The following PSKH1 variants were observed in gnomAD, a reference collection of about 807,000 sequenced individuals.
PSKH1 encodes serine/threonine-protein kinase H1.
A neutral mutation model predicts 26.7 loss-of-function variants in PSKH1; 12 were observed. The observed-to-expected ratio is 0.45, with a 90% confidence interval of 0.29 to 0.73. The LOEUF (loss-of-function observed/expected upper bound fraction) is 0.73, where lower values mean the gene tolerates loss of function less well. Among genes scored for constraint, PSKH1 ranks in the 30% least tolerant of loss-of-function variants. PSKH1 has a pLI of 0.11. For synonymous variants in PSKH1, 213 were observed against 234.3 expected, an observed-to-expected ratio of 0.91 and a Z score of 0.83; for missense variants, 431 against 595.2, an observed-to-expected ratio of 0.72 and a Z score of 2.87.
chr16:67,921,713 TC>T (rs1217177777), intron 2 of PSKH1, among the ~76,000 whole-genome samples: 1 of 152,210 alleles, frequency 6.6e-6, no homozygotes, highest in African/African-American at 2.4e-5. Context: ...TCTGGAACCT[TC>T]CAGGGCTACT....
intron 1 of PSKH1, among the ~76,000 whole-genome samples, chr16:67,897,373 C>T (rs553080662): frequency 6.6e-6 from 1 of 152,228 alleles, no homozygotes; most frequent in South Asian, 2.1e-4. Context: ...ATTCTTGGTA[C>T]AGCCCTCTGT....
chr16:67,894,713 G>C (rs546257981), intron 1 of PSKH1, among the ~76,000 whole-genome samples: 1 of 152,160 alleles, frequency 6.6e-6, no homozygotes, highest in Non-Finnish European at 1.5e-5. Flanking sequence ...ATAGGGGCTA[G>C]CCTCCAGTAG....
intron 1 of PSKH1, among the ~76,000 whole-genome samples, chr16:67,905,231 C>G (rs1204891958): frequency 6.6e-6 from 1 of 152,180 alleles, no homozygotes; most frequent in Admixed American, 6.5e-5. Flanking sequence ...TTTCGTAGCT[C>G]TCCTTCACTT....
At position 67,908,702 on chromosome 16, in the gene PSKH1, A is replaced by C. The variant is rs1187862726; in HGVS notation, c.-48A>C. The C allele has an allele frequency of 6.7e-7, 1 of 1,502,440 alleles. No individual in the cohort carries two copies. The highest frequency in any genetic ancestry group is 1.4e-5 in the African/African-American group (1 of 72,216). 93.1% of individuals were successfully genotyped at this position (1,502,440 alleles called of 1,614,324 possible). ...TAGGTGTAGACGGGGCACTGCCTTC[A>C]GAGCAGGTCCTGCCAGCCTCGCTGG... On this transcript the variant is annotated 5_prime_UTR_variant, in exon 2 of 3. Coordinates refer to ENST00000291041, the MANE Select transcript of PSKH1 (RefSeq NM_006742.3).
At position 67,908,726 on chromosome 16, in the gene PSKH1, G is replaced by A; in HGVS notation, c.-24G>A. ...CAGAGCAGGTCCTGCCAGCCTCGCT[G>A]GAGAGGATGCCCTCGTGTCCGTGAT... On this transcript the variant is annotated 5_prime_UTR_variant, in exon 2 of 3. Coordinates refer to ENST00000291041, the MANE Select transcript of PSKH1 (RefSeq NM_006742.3). 1 of 1,555,054 alleles carries A rather than the reference G, an allele frequency of 6.4e-7. No individual in the cohort carries two copies.
chr16:67,904,739 C>G (rs1228330947), intron 1 of PSKH1, among the ~76,000 whole-genome samples: 1 of 152,158 alleles, frequency 6.6e-6, no homozygotes, highest in Admixed American at 6.5e-5. Flanking sequence ...ACCTCAGCCT[C>G]CCAAAGAGCT....
intron 1 of PSKH1, among the ~76,000 whole-genome samples, chr16:67,895,849 C>A (rs999835644): frequency 6.6e-6 from 1 of 152,190 alleles, no homozygotes; most frequent in African/African-American, 2.4e-5. Flanking sequence ...TGGTCTCATG[C>A]CTAGAAGCAT....
At chr16:67,900,393 G>A (rs1343618341) in intron 1 of PSKH1, among the ~76,000 whole-genome samples, 4 of 152,160 alleles carry the variant, frequency 2.6e-5, no homozygotes, top group Admixed American at 2.0e-4. Context: ...GTAGAGCAGT[G>A]AGCAGTGTGA....
At chr16:67,922,025 T>C (rs945050177) in intron 2 of PSKH1, among the ~76,000 whole-genome samples, 5 of 152,042 alleles carry the variant, frequency 3.3e-5, no homozygotes, top group Non-Finnish European at 5.9e-5. Flanking sequence ...ATCTTCCCTC[T>C]ATTTCTCTCC....
chr16:67,897,442 A>G (rs1023218728), intron 1 of PSKH1, among the ~76,000 whole-genome samples: 17 of 152,224 alleles, frequency 1.1e-4, no homozygotes, highest in African/African-American at 4.1e-4. Flanking sequence ...ATTTGCTGGG[A>G]GAAAGTTTTC....
chr16:67,917,471 G>A (rs988936528), intron 2 of PSKH1, among the ~76,000 whole-genome samples: 18 of 152,224 alleles, frequency 1.2e-4, no homozygotes, highest in Admixed American at 5.9e-4. Context: ...GTCCACTGTC[G>A]TGTCCAGGCT....
chr16:67,903,647 A>G (rs977272048), intron 1 of PSKH1, among the ~76,000 whole-genome samples: 3 of 151,820 alleles, frequency 2.0e-5, no homozygotes, highest in African/African-American at 2.4e-5. Context: ...TGGATGGTCT[A>G]CATGCACCCC....
In PSKH1 at chr16:67,909,650, A is replaced by G; in HGVS notation, c.901A>G (p.Asn301Asp). ...LSGTMPFEDD[N>D]RTRLYRQILR... Reference sequence around the variant, plus strand: ...TGGCACCATGCCGTTTGAGGATGACAACCGTACCCGGCTGTACCGGCAGAT... The same window carrying G: ...TGGCACCATGCCGTTTGAGGATGACGACCGTACCCGGCTGTACCGGCAGAT... Residue 301 changes from asparagine to aspartate, a missense_variant, in exon 2 of 3, where the codon AAC (asparagine) becomes GAC (aspartate). Transcript: ENST00000291041. The surrounding 1 kb of genome is among the most constrained non-coding windows in gnomAD (Gnocchi z 7.8). 6.2e-7 allele frequency: 1 copy of G among 1,613,826 alleles called. No homozygotes were observed. The highest frequency in any genetic ancestry group is 8.5e-7 in the Non-Finnish European group (1 of 1,180,034).
intron 1 of PSKH1, among the ~76,000 whole-genome samples, chr16:67,906,371 C>CTT (rs55856995): frequency 1.5e-4 from 21 of 136,644 alleles, no homozygotes; most frequent in African/African-American, 2.4e-4. Context: ...CGCGCCCAGC[C>CTT]TTTTTTTTTT....
intron 2 of PSKH1, among the ~76,000 whole-genome samples, chr16:67,911,389 C>T (rs1222998275): frequency 6.6e-6 from 1 of 152,180 alleles, no homozygotes; most frequent in African/African-American, 2.4e-5. Context: ...CTTCAAGAGT[C>T]ACCCAACAGC....
At chr16:67,918,755 C>T (rs567738019) in intron 2 of PSKH1, among the ~76,000 whole-genome samples, 1 of 152,106 alleles carries the variant, frequency 6.6e-6, no homozygotes, top group African/African-American at 2.4e-5. Context: ...CCACACCTGG[C>T]TAATTTTTGT....
chr16:67,918,253 T>C (rs1415642599), intron 2 of PSKH1, among the ~76,000 whole-genome samples: 1 of 152,164 alleles, frequency 6.6e-6, no homozygotes, highest in Non-Finnish European at 1.5e-5. Flanking sequence ...ATTAGAGTGA[T>C]GCCATTAGGA....
chr16:67,898,289 C>G (rs2058131972), intron 1 of PSKH1, among the ~76,000 whole-genome samples: 1 of 152,034 alleles, frequency 6.6e-6, no homozygotes, highest in South Asian at 2.1e-4. Flanking sequence ...GCCAGGCATC[C>G]TAGGTACTCG....
rs568685301 is a variant in PSKH1, at chr16:67,894,820, G to A, written c.-71+1449G>A. On this transcript the variant is annotated intron_variant, in intron 1 of 2. Transcript: ENST00000291041. ...TAAGATGAGCACAGCAAATGCCAGC[G>A]TATGTGTGTGGTAGGTAGTACAGCC... Among the ~76,000 whole-genome samples the A allele has an allele frequency of 1.1e-4, 16 of 152,088 alleles. No homozygotes were observed. The East Asian group carries it at 2.7e-3, about 26-fold the overall frequency.
Sources: gnomAD v4.1 joint callset for allele counts (sites outside exome capture counted in the v4.1 genomes callset) on GRCh38, gnomAD v4.1.1 for gene constraint, Gnocchi (gnomAD v3.1) non-coding constraint, MANE v1.5 for transcripts, NCBI Gene and HGNC (gene_info 2026-07-23, HGNC 2026-07-21) for gene names.